Variants in RAB39A observed in about 807,000 individuals in gnomAD.
The protein encoded by RAB39A is ras-related protein Rab-39A.
Under a neutral mutation model 20.9 loss-of-function variants are expected in RAB39A, and 17 were observed. That is an observed-to-expected ratio of 0.81 (90% confidence interval 0.56 to 1.22). The LOEUF (loss-of-function observed/expected upper bound fraction) is 1.22. Ranked by LOEUF, RAB39A falls within the 50% of genes most tolerant of loss-of-function variation. RAB39A has a pLI of 0.00. For synonymous variants in RAB39A, 99 were observed against 103.4 expected (o/e 0.96, Z 0.26); for missense variants, 234 against 270.5 (o/e 0.87, Z 0.95).
Position 107,962,246 on chromosome 11 carries a change from T to C in RAB39A, c.528T>C (p.Tyr176=). The C allele has an allele frequency of 6.2e-7, 1 of 1,613,910 alleles. No homozygotes were observed. The highest frequency in any genetic ancestry group is 8.5e-7 in the Non-Finnish European group (1 of 1,179,956). ...TCACAATCTTGACGAGAGACATATA[T>C]GAACTTATTAAAAAGGGAGAAATTT... ...ESFTILTRDI[Y]ELIKKGEICI... Residue 176 remains tyrosine (Y), a synonymous_variant, in exon 2 of 2, where the codon TAT becomes TAC. Transcript: ENST00000320578.
At chr11:107,935,629 G>A (rs1418717591) in intron 1 of RAB39A, among the ~76,000 whole-genome samples, 1 of 152,028 alleles carries the variant, frequency 6.6e-6, no homozygotes, top group Non-Finnish European at 1.5e-5. Context: ...ACCTGCCTCG[G>A]CCTCCCAAAG....
intron 1 of RAB39A, among the ~76,000 whole-genome samples, chr11:107,939,358 G>A (rs1439415652): frequency 2.0e-5 from 3 of 151,388 alleles, no homozygotes; most frequent in Non-Finnish European, 4.4e-5. Context: ...TGTAATCCCA[G>A]CACTTTGGGA....
intron 1 of RAB39A, among the ~76,000 whole-genome samples, chr11:107,946,436 G>GTATA (rs1565464268): frequency 2.4e-3 from 72 of 30,468 alleles, no homozygotes; most frequent in African/African-American, 7.5e-3. Flanking sequence ...GTGTGTGTGT[G>GTATA]TATATATATA....
chr11:107,930,629 G>A (rs988931329), intron 1 of RAB39A, among the ~76,000 whole-genome samples: 1 of 152,054 alleles, frequency 6.6e-6, no homozygotes, highest in Non-Finnish European at 1.5e-5. Flanking sequence ...ATACTGAGGC[G>A]GGTGGATCAC....
intron 1 of RAB39A, among the ~76,000 whole-genome samples, chr11:107,947,260 C>A (rs1861328735): frequency 6.6e-6 from 1 of 151,954 alleles, no homozygotes; most frequent in South Asian, 2.1e-4. Flanking sequence ...CGCCACCACG[C>A]CCGGCTAATT....
In RAB39A at chr11:107,962,130, A is replaced by G. The variant is rs753239418; in HGVS notation, c.412A>G (p.Thr138Ala). ...TGATTTAGCTTCACAACGTCAAGTT[A>G]CAAGGGAAGAAGCTGAAAAACTGTC... is the stretch of plus-strand genomic sequence containing the variant. The part of the protein sequence containing the change: ...KCDLASQRQV[T>A]REEAEKLSAD... The change falls in exon 2 of 2, where the codon ACA (threonine) becomes GCA (alanine). Residue 138 changes from threonine (T) to alanine (A), a missense_variant. By Grantham distance (58) the Thr-to-Ala change is moderately conservative (BLOSUM62 0). Transcript: ENST00000320578. The G allele has an allele frequency of 1.2e-6, 2 of 1,614,204 alleles. No individual in the cohort carries two copies. Among genetic ancestry groups the G allele is most frequent in the East Asian group, 2.2e-5 (1 of 44,872 alleles).
chr11:107,936,040 C>T (rs1485501941), intron 1 of RAB39A, among the ~76,000 whole-genome samples: 1 of 151,544 alleles, frequency 6.6e-6, no homozygotes, highest in East Asian at 2.0e-4. Flanking sequence ...GCTGGGATTA[C>T]AGGTGTGTGC....
chr11:107,938,608 C>T lies in RAB39A; in HGVS notation c.227+9813C>T, dbSNP rs567877842. Among the ~76,000 whole-genome samples the T allele has an allele frequency of 2.2e-4, 33 of 148,100 alleles. 1 individual carries two copies. In the South Asian group the frequency reaches 7.1e-3, roughly 32 times the overall value. On this transcript the variant is annotated intron_variant, in intron 1 of 1. Coordinates refer to ENST00000320578, the MANE Select transcript of RAB39A (RefSeq NM_017516.3). ...AAAATTAGGTGGGCATGGTGGAGTG[C>T]CCCTGTAGTCCCAGCTACTTGGGAG...
intron 1 of RAB39A, among the ~76,000 whole-genome samples, chr11:107,938,527 C>T (rs1407052577): frequency 3.6e-5 from 5 of 140,048 alleles, no homozygotes; most frequent in East Asian, 4.2e-4. Flanking sequence ...CCCAGGAGTT[C>T]GAGACCAGTC....
chr11:107,944,288 T>C (rs188368818), intron 1 of RAB39A, among the ~76,000 whole-genome samples: 29 of 152,084 alleles, frequency 1.9e-4, no homozygotes, highest in African/African-American at 7.0e-4. Flanking sequence ...CCTTCTTATA[T>C]CCCATTGATC....
chr11:107,959,055 G>A (rs1005647905), intron 1 of RAB39A, among the ~76,000 whole-genome samples: 6 of 151,950 alleles, frequency 3.9e-5, no homozygotes, highest in African/African-American at 1.2e-4. Context: ...AGGAGGCAGA[G>A]GTTGCAGTGA....
intron 1 of RAB39A, among the ~76,000 whole-genome samples, chr11:107,948,245 A>G (rs1230949365): frequency 6.6e-6 from 1 of 152,210 alleles, no homozygotes; most frequent in Non-Finnish European, 1.5e-5. Context: ...ACTGGCAGAG[A>G]GTTTGAGATT....
In RAB39A at chr11:107,962,519, G is replaced by A; in HGVS notation, c.*147G>A. On this transcript the variant is annotated 3_prime_UTR_variant, in exon 2 of 2. Transcript: ENST00000320578. ...TATTTTATAAGGTATTTGATTCAGA[G>A]CATGATGCTTACTTGTTACACTACT... 2.7e-6 allele frequency: 2 copies of A among 739,592 alleles called. No individual in the cohort carries two copies. Among genetic ancestry groups the A allele is most frequent in the Non-Finnish European group, 4.2e-6 (2 of 481,502 alleles). 45.8% of individuals were successfully genotyped at this position (739,592 alleles called of 1,614,324 possible).
rs1451433528 is a variant in RAB39A, at chr11:107,928,956, T to C, written c.227+161T>C. ...TCTCGCTTCCCCTTTGCCCCTCCTCTTCCAGGGACGACTTCCTCCTCCGCA... is the reference window on the plus strand; with the variant it reads ...TCTCGCTTCCCCTTTGCCCCTCCTCCTCCAGGGACGACTTCCTCCTCCGCA... On this transcript the variant is annotated intron_variant, in intron 1 of 1. Transcript: ENST00000320578. The surrounding 1 kb of genome is among the most constrained non-coding windows in gnomAD (Gnocchi z 4.9). Among the ~76,000 whole-genome samples the C allele has an allele frequency of 6.6e-6, 1 of 152,088 alleles. No homozygotes were observed. Among genetic ancestry groups the C allele is most frequent in the Non-Finnish European group, 1.5e-5 (1 of 67,998 alleles).
intron 1 of RAB39A, among the ~76,000 whole-genome samples, chr11:107,937,018 A>C (rs11601743): frequency 0.031 from 4,748 of 152,252 alleles, 122 homozygotes; most frequent in Non-Finnish European, 0.047. Flanking sequence ...TAATCACTGC[A>C]GTCTACTGTA....
intron 1 of RAB39A, among the ~76,000 whole-genome samples, chr11:107,950,752 C>CGAGA (rs200953432): frequency 0.048 from 6,562 of 135,374 alleles, 173 homozygotes; most frequent in Middle Eastern, 0.14. Flanking sequence ...GGCGACAGAG[C>CGAGA]GAGACCCTGT....
chr11:107,932,074 G>T (rs2134946924), intron 1 of RAB39A, among the ~76,000 whole-genome samples: 1 of 152,006 alleles, frequency 6.6e-6, no homozygotes, highest in South Asian at 2.1e-4. Context: ...TGTTGCCCAG[G>T]TTGGTCTGAA....
At chr11:107,947,247 G>A (rs1486835263) in intron 1 of RAB39A, among the ~76,000 whole-genome samples, 3 of 151,854 alleles carry the variant, frequency 2.0e-5, no homozygotes, top group East Asian at 1.9e-4. Context: ...GACTACAGGC[G>A]TCCGCCACCA....
intron 1 of RAB39A, among the ~76,000 whole-genome samples, chr11:107,957,223 CAGAA>C (rs1372173154): frequency 6.6e-6 from 1 of 152,130 alleles, no homozygotes; most frequent in East Asian, 1.9e-4. Flanking sequence ...GGAATTGAAA[CAGAA>C]AGAAAAACAA....
Sources: allele counts gnomAD v4.1 joint callset (sites outside exome capture counted in the v4.1 genomes callset), GRCh38; gene constraint gnomAD v4.1.1; non-coding constraint Gnocchi (gnomAD v3.1); transcripts MANE v1.5; gene names NCBI Gene and HGNC (gene_info 2026-07-23, HGNC 2026-07-21).